Variants in SEMA3C observed in about 807,000 individuals in gnomAD.
The protein encoded by SEMA3C is semaphorin-3C.
Under a neutral mutation model 89.4 loss-of-function variants are expected in SEMA3C, and 47 were observed. The observed-to-expected ratio is 0.53, with a 90% CI of 0.42 to 0.67. SEMA3C has a LOEUF of 0.67. SEMA3C is among the 30% of genes least tolerant of loss of function. SEMA3C has a pLI of 0.00. For synonymous variants in SEMA3C, 310 were observed against 320.2 expected (o/e 0.97, Z 0.34); for missense variants, 839 against 929.1 (o/e 0.90, Z 1.26).
chr7:80,807,969 A>C (rs2115700809), intron 6 of SEMA3C, among the ~76,000 whole-genome samples: 1 of 152,320 alleles, frequency 6.6e-6, no homozygotes, highest in African/African-American at 2.4e-5. Context: ...TCAGTTTTCA[A>C]GGCAAGCAAA....
At chr7:80,875,707 G>C (rs530427975) in intron 2 of SEMA3C, among the ~76,000 whole-genome samples, 9 of 151,606 alleles carry the variant, frequency 5.9e-5, no homozygotes, top group Non-Finnish European at 1.2e-4. Flanking sequence ...TGATCAGACT[G>C]ACTGCAGAAG....
intron 2 of SEMA3C, among the ~76,000 whole-genome samples, chr7:80,873,640 C>G (rs1180328247): frequency 1.3e-5 from 2 of 152,102 alleles, no homozygotes; most frequent in Non-Finnish European, 2.9e-5. Context: ...TCCTCTTGGC[C>G]TAAGTCACTT....
At chr7:80,916,863 T>C (rs780091965) in intron 1 of SEMA3C, 44 bp from the exon 2 acceptor site, 5 of 1,555,792 alleles carry the variant, frequency 3.2e-6, no homozygotes, top group Non-Finnish European at 4.4e-6. Flanking sequence ...CATTTCACAT[T>C]TTAGGAGTAG....
chr7:80,880,840 G>A (rs1193735439), intron 2 of SEMA3C, among the ~76,000 whole-genome samples: 2 of 152,032 alleles, frequency 1.3e-5, no homozygotes. Context: ...CAGAAGAATC[G>A]CTTAAATCCT....
chr7:80,896,117 A>G (rs1490770397), intron 2 of SEMA3C, among the ~76,000 whole-genome samples: 3 of 152,134 alleles, frequency 2.0e-5, no homozygotes, highest in Non-Finnish European at 2.9e-5. Flanking sequence ...ATTGTAATTC[A>G]TATTACAATA....
chr7:80,755,187 C>T (rs1405797950), intron 15 of SEMA3C, among the ~76,000 whole-genome samples: 1 of 151,470 alleles, frequency 6.6e-6, no homozygotes, highest in Non-Finnish European at 1.5e-5. Context: ...ATGCAAAGAA[C>T]TGCATGATAG....
At chr7:80,884,293 T>A (rs1245563542) in intron 2 of SEMA3C, among the ~76,000 whole-genome samples, 1 of 152,172 alleles carries the variant, frequency 6.6e-6, no homozygotes, top group African/African-American at 2.4e-5. Flanking sequence ...TTGAGATTAG[T>A]CCAAAATCAT....
At chr7:80,776,274 CAA>C (rs796559281) in intron 12 of SEMA3C, among the ~76,000 whole-genome samples, 7 of 116,906 alleles carry the variant, frequency 6.0e-5, no homozygotes, top group Admixed American at 1.7e-4. Context: ...AAGTAAATTA[CAA>C]AAAAAAAAAA....
In SEMA3C at chr7:80,749,156, C is replaced by CA. The variant is rs1480970760; in HGVS notation, c.1712-129dup. Reference sequence around the variant, plus strand: ...AATTGTGAACAACTATCGCAGCCAGCAAAAAACAGTGGTAATCATTTAACA... The same window carrying CA: ...AATTGTGAACAACTATCGCAGCCAGCAAAAAAACAGTGGTAATCATTTAACA... On this transcript the variant is annotated intron_variant, in intron 16 of 17. Coordinates refer to ENST00000265361, the MANE Select transcript of SEMA3C (RefSeq NM_006379.5). The CA allele has an allele frequency of 4.2e-6, 4 of 945,718 alleles. No individual in the cohort carries two copies. The African/African-American group carries it at 5.1e-5, about 12-fold the overall frequency. The allele number at this position is 945,718 out of a possible 1,614,324, so 58.6% of individuals were successfully genotyped here. A position where few individuals can be genotyped will look rare whatever the true frequency, so the allele number is the denominator to read the frequency against.
rs773908612 is a variant in SEMA3C, at chr7:80,745,320, C to G, written c.1843-13G>C. 1 of 1,607,762 alleles carries G rather than the reference C, an allele frequency of 6.2e-7. No homozygotes were observed. The highest frequency in any genetic ancestry group is 8.5e-7 in the Non-Finnish European group (1 of 1,177,558). ...CATTCAGCTTAACCTAAAAGAGAGACAAATTAAAGTTACTGAAACTGAACA... is the reference window on the plus strand; with the variant it reads ...CATTCAGCTTAACCTAAAAGAGAGAGAAATTAAAGTTACTGAAACTGAACA... On this transcript the variant is annotated splice_polypyrimidine_tract_variant and intron_variant, in intron 17 of 17. Coordinates refer to ENST00000265361, the MANE Select transcript of SEMA3C (RefSeq NM_006379.5).
chr7:80,916,976 T>C (rs1295911091), intron 1 of SEMA3C, among the ~76,000 whole-genome samples, 157 bp from the exon 2 acceptor site: 1 of 152,312 alleles, frequency 6.6e-6, no homozygotes, highest in African/African-American at 2.4e-5. Context: ...GCTTCTCAGA[T>C]GTGAAAATGT....
chr7:80,902,962 G>T (rs1243649464), intron 2 of SEMA3C, among the ~76,000 whole-genome samples: 1 of 152,172 alleles, frequency 6.6e-6, no homozygotes, highest in Non-Finnish European at 1.5e-5. Context: ...GCATAAGCCC[G>T]CTGAATTACT....
intron 2 of SEMA3C, among the ~76,000 whole-genome samples, chr7:80,853,239 C>T (rs758535398): frequency 1.2e-4 from 18 of 152,034 alleles, no homozygotes; most frequent in Admixed American, 4.6e-4. Flanking sequence ...ATAGAACAAC[C>T]GTAAGATCCA....
intron 1 of SEMA3C, among the ~76,000 whole-genome samples, chr7:80,918,130 TAGAA>T (rs1342479892): frequency 1.3e-5 from 2 of 152,174 alleles, no homozygotes; most frequent in African/African-American, 2.4e-5. Context: ...TAAATTAACT[TAGAA>T]AGAAACTGAT....
Position 80,765,154 on chromosome 7 carries a change from C to A in SEMA3C, c.1443+1G>T, listed in dbSNP as rs1295399961. ...GAGATTAATAGAAGAGATGTTCAAA[C>A]CTTAAAGACTTCCAGCTCCTCCAGA... On this transcript the variant is annotated splice_donor_variant, in intron 13 of 17. Coordinates refer to ENST00000265361, the MANE Select transcript of SEMA3C (RefSeq NM_006379.5). LOFTEE classifies it high-confidence loss of function. The A allele has an allele frequency of 6.2e-7, 1 of 1,610,230 alleles. No homozygotes were observed. The highest frequency in any genetic ancestry group is 1.3e-5 in the African/African-American group (1 of 74,868).
chr7:80,751,160 A>G, intron 16 of SEMA3C, 109 bp downstream of exon 16: 2 of 844,950 alleles, frequency 2.4e-6, no homozygotes, highest in South Asian at 3.5e-5. Flanking sequence ...TATAATAAAT[A>G]TTTTTGAAAG....
At chr7:80,921,203 T>G (rs1228462174), upstream of SEMA3C, among the ~76,000 whole-genome samples, 1 of 152,220 alleles carries the variant, frequency 6.6e-6, no homozygotes, top group Non-Finnish European at 1.5e-5. Context: ...TCACAGCCCA[T>G]GAAATTTGTG....
intron 2 of SEMA3C, among the ~76,000 whole-genome samples, chr7:80,829,433 T>C (rs967462457): frequency 3.3e-5 from 5 of 152,094 alleles, no homozygotes; most frequent in African/African-American, 1.2e-4. Context: ...TCTATTAATG[T>C]TTTATTTTTG....
chr7:80,865,715 A>C (rs138348343), intron 2 of SEMA3C, among the ~76,000 whole-genome samples: 9 of 152,302 alleles, frequency 5.9e-5, no homozygotes, highest in African/African-American at 1.4e-4. Context: ...GAATCACTTG[A>C]ACCCGGGAGG....
Sources: allele counts gnomAD v4.1 joint callset (sites outside exome capture counted in the v4.1 genomes callset), GRCh38; gene constraint gnomAD v4.1.1; transcripts MANE v1.5; gene names NCBI Gene and HGNC (gene_info 2026-07-23, HGNC 2026-07-21).